CFAP299: variants seen among roughly 807,000 people sequenced by gnomAD.
The protein encoded by CFAP299 is cilia and flagella associated protein 299.
In CFAP299, 21 loss-of-function variants were observed where a neutral mutation model predicts 27.0. The observed-to-expected ratio is 0.78, with a 90% CI of 0.55 to 1.12. The LOEUF (loss-of-function observed/expected upper bound fraction) is 1.12, where lower values mean the gene tolerates loss of function less well. Among genes scored for constraint, CFAP299 ranks in the 50% most tolerant of loss-of-function variants. The probability of loss-of-function intolerance (pLI) is 0.00; values close to 1 mark genes in which losing one functional copy is unlikely to be tolerated. For synonymous variants in CFAP299, 104 were observed against 98.1 expected, an observed-to-expected ratio of 1.06 and a Z score of -0.36; for missense variants, 310 against 276.6, an observed-to-expected ratio of 1.12 and a Z score of -0.86.
chr4:80,417,741 A>G (rs1727085434), intron 2 of CFAP299, among the ~76,000 whole-genome samples: 1 of 152,112 alleles, frequency 6.6e-6, no homozygotes, highest in Non-Finnish European at 1.5e-5. Flanking sequence ...GTAATGCCCC[A>G]CTATTCTATG....
intron 3 of CFAP299, among the ~76,000 whole-genome samples, chr4:80,849,423 A>C (rs1202060461): frequency 6.6e-6 from 1 of 152,202 alleles, no homozygotes; most frequent in Non-Finnish European, 1.5e-5. Flanking sequence ...TCCCAAGACG[A>C]TGGTAAAAAG....
At chr4:80,863,201 C>CCTT (rs778363801) in intron 3 of CFAP299, among the ~76,000 whole-genome samples, 1 of 133,586 alleles carries the variant, frequency 7.5e-6, no homozygotes, top group Non-Finnish European at 1.6e-5. Context: ...GCTTAGCATG[C>CCTT]TTTTTTTTTT....
chr4:80,414,970 C>T (rs1402166078), intron 2 of CFAP299, among the ~76,000 whole-genome samples: 1 of 152,152 alleles, frequency 6.6e-6, no homozygotes, highest in Non-Finnish European at 1.5e-5. Flanking sequence ...CCTATCCAAA[C>T]CACTGCTTGA....
At chr4:80,436,362 G>C (rs371417956) in intron 2 of CFAP299, among the ~76,000 whole-genome samples, 6 of 150,178 alleles carry the variant, frequency 4.0e-5, no homozygotes, top group East Asian at 3.9e-4. Flanking sequence ...GCAGTGGCGC[G>C]ATCTCAGCTC....
At chr4:80,683,874 A>G (rs970937718) in intron 3 of CFAP299, among the ~76,000 whole-genome samples, 3 of 152,250 alleles carry the variant, frequency 2.0e-5, no homozygotes, top group Non-Finnish European at 4.4e-5. Context: ...CTTACGTGTT[A>G]TCAAAGCAAT....
intron 2 of CFAP299, among the ~76,000 whole-genome samples, chr4:80,407,038 G>A (rs914404344): frequency 6.6e-6 from 1 of 151,912 alleles, no homozygotes. Context: ...CTCAAGATAT[G>A]AGCAACTTAG....
At chr4:80,799,283 T>TATATTTATACAATATA (rs1728090390) in intron 3 of CFAP299, among the ~76,000 whole-genome samples, 1 of 89,414 alleles carries the variant, frequency 1.1e-5, no homozygotes, top group African/African-American at 5.5e-5. Context: ...TATATATATA[T>TATATTTATACAATATA]TGTATAAATA....
intron 3 of CFAP299, among the ~76,000 whole-genome samples, chr4:80,701,752 A>G (rs555652168): frequency 3.9e-5 from 6 of 152,078 alleles, no homozygotes; most frequent in African/African-American, 1.4e-4. Context: ...TCTTGATGGA[A>G]AAAAATCCCT....
At chr4:80,930,167 A>G (rs1021513059) in intron 4 of CFAP299, among the ~76,000 whole-genome samples, 1 of 152,158 alleles carries the variant, frequency 6.6e-6, no homozygotes, top group Admixed American at 6.6e-5. Flanking sequence ...AATTATGCCA[A>G]TTTAATTAGG....
chr4:80,671,768 G>A lies in CFAP299; in HGVS notation c.333+88585G>A, dbSNP rs1006840881. 3.8e-4 allele frequency among the ~76,000 whole-genome samples: 58 copies of A among 152,160 alleles called. 1 individual carries two copies. The highest frequency in any genetic ancestry group is 3.7e-3 in the Admixed American group (56 of 15,270). Reference sequence around the variant, plus strand: ...TACTCTTTGAAGCCACTGTGAATGGGAGTTCACTCATGATTTGGCTCTCTG... The same window carrying A: ...TACTCTTTGAAGCCACTGTGAATGGAAGTTCACTCATGATTTGGCTCTCTG... On this transcript the variant is annotated intron_variant, in intron 3 of 5. Transcript: ENST00000358105.
intron 3 of CFAP299, among the ~76,000 whole-genome samples, chr4:80,803,145 T>G (rs190065670): frequency 1.3e-5 from 2 of 152,088 alleles, no homozygotes; most frequent in African/African-American, 4.8e-5. Context: ...ATTTATGTTT[T>G]TTCTTATTCC....
intron 2 of CFAP299, among the ~76,000 whole-genome samples, chr4:80,409,050 A>AAAAGAGAG (rs1553920825): frequency 4.0e-5 from 6 of 151,290 alleles, no homozygotes; most frequent in Admixed American, 6.6e-5. Flanking sequence ...AAAAAAAAAA[A>AAAAGAGAG]AAAGAGAGAA....
intron 2 of CFAP299, among the ~76,000 whole-genome samples, chr4:80,394,234 G>A (rs1725652211): frequency 6.6e-6 from 1 of 152,054 alleles, no homozygotes; most frequent in African/African-American, 2.4e-5. Flanking sequence ...TAATACATAT[G>A]TCTTCTTTTG....
At chr4:80,675,100 G>C (rs1372476304) in intron 3 of CFAP299, among the ~76,000 whole-genome samples, 1 of 152,134 alleles carries the variant, frequency 6.6e-6, no homozygotes, top group African/African-American at 2.4e-5. Context: ...GACCAGAAGA[G>C]GTGCTTTGGT....
chr4:80,886,315 A>G (rs146213167), intron 4 of CFAP299, among the ~76,000 whole-genome samples: 163 of 152,346 alleles, frequency 1.1e-3, no homozygotes, highest in African/African-American at 3.3e-3. Context: ...GGCAAAGCCC[A>G]GTTTTGTTCT....
intron 2 of CFAP299, among the ~76,000 whole-genome samples, chr4:80,558,360 TTGTTTG>T (rs1490320837): frequency 2.5e-4 from 35 of 140,906 alleles, no homozygotes; most frequent in African/African-American, 9.7e-4. Context: ...GTTTGTTTGT[TTGTTTG>T]TTTTTTTTTT....
intron 3 of CFAP299, among the ~76,000 whole-genome samples, chr4:80,797,917 C>T (rs1291170075): frequency 6.6e-6 from 1 of 152,122 alleles, no homozygotes; most frequent in Admixed American, 6.6e-5. Flanking sequence ...TTTCAGCTAA[C>T]CAAGCAAGTA....
At chr4:80,396,457 T>C (rs941219274) in intron 2 of CFAP299, among the ~76,000 whole-genome samples, 2 of 152,186 alleles carry the variant, frequency 1.3e-5, no homozygotes, top group African/African-American at 4.8e-5. Context: ...TTTCAGTTAC[T>C]GAGTTCTAAA....
chr4:80,689,922 A>C (rs1354404170), intron 3 of CFAP299, among the ~76,000 whole-genome samples: 1 of 151,754 alleles, frequency 6.6e-6, no homozygotes, highest in African/African-American at 2.4e-5. Flanking sequence ...ACTTTAAACC[A>C]ACAAAGATCA....
Sources: allele counts gnomAD v4.1 joint callset (sites outside exome capture counted in the v4.1 genomes callset), GRCh38; gene constraint gnomAD v4.1.1; transcripts MANE v1.5; gene names NCBI Gene and HGNC (gene_info 2026-07-23, HGNC 2026-07-21).